ADGRV1: variants seen among roughly 807,000 people sequenced by gnomAD.
ADGRV1 encodes G-protein coupled receptor 98.
Under a neutral mutation model 596.2 loss-of-function variants are expected in ADGRV1, and 359 were observed. The ratio of observed to expected loss-of-function variants is 0.60; its 90% CI spans 0.55 to 0.66. The LOEUF (loss-of-function observed/expected upper bound fraction) is 0.66, where lower values mean the gene tolerates loss of function less well. Among genes scored for constraint, ADGRV1 ranks in the 30% least tolerant of loss-of-function variants. ADGRV1 has a pLI of 0.00. For missense variants in ADGRV1, 7,274 were observed against 7,575.6 expected, an observed-to-expected ratio of 0.96 and a Z score of 1.48; for synonymous variants, 2,681 against 2,679.2, an observed-to-expected ratio of 1.00 and a Z score of -0.02.
At chr5:91,019,792 A>G (rs1347256014) in intron 85 of ADGRV1, among the ~76,000 whole-genome samples, 1 of 152,036 alleles carries the variant, frequency 6.6e-6, no homozygotes, top group Non-Finnish European at 1.5e-5. Context: ...ATTTCTCCAC[A>G]TCGTTAGCTC....
At chr5:90,666,348 G>C (rs964742446) in intron 21 of ADGRV1, among the ~76,000 whole-genome samples, 2 of 152,094 alleles carry the variant, frequency 1.3e-5, no homozygotes, top group African/African-American at 4.8e-5. Context: ...TTGTTGAATT[G>C]ATCCCTTTAC....
At chr5:91,056,209 G>A (rs758757202) in intron 85 of ADGRV1, among the ~76,000 whole-genome samples, 17 of 152,200 alleles carry the variant, frequency 1.1e-4, no homozygotes, top group Admixed American at 2.6e-4. Context: ...GCCAGCTGCA[G>A]CGTTGCAGTT....
intron 26 of ADGRV1, among the ~76,000 whole-genome samples, chr5:90,679,911 A>G (rs1433154827): frequency 2.0e-5 from 3 of 152,202 alleles, no homozygotes; most frequent in African/African-American, 7.2e-5. Context: ...ATTGTGATAG[A>G]AATTTCACTT....
chr5:90,595,624 A>G (rs1340566528), intron 1 of ADGRV1, among the ~76,000 whole-genome samples: 1 of 88,104 alleles, frequency 1.1e-5, no homozygotes, highest in African/African-American at 5.1e-5. Flanking sequence ...TGACCCCCCC[A>G]CCTCCCTCCC....
chr5:91,097,746 G>GT lies in ADGRV1; in HGVS notation c.18311-4466dup, dbSNP rs202015386. Among the ~76,000 whole-genome samples, 90 of 150,448 alleles carry GT rather than the reference G, an allele frequency of 6.0e-4. 2 individuals are homozygous for GT. The East Asian group carries it at 0.016, about 26-fold the overall frequency. Reference sequence around the variant, plus strand: ...TGCTCACCAACACTTACTATTTCTTGTTTTTTTGATAATAATCATTCTAGT... The same window carrying GT: ...TGCTCACCAACACTTACTATTTCTTGTTTTTTTTGATAATAATCATTCTAGT... On this transcript the variant is annotated intron_variant, in intron 86 of 89. Coordinates refer to ENST00000405460, the MANE Select transcript of ADGRV1 (RefSeq NM_032119.4).
chr5:91,020,124 G>A (rs1051008552), intron 85 of ADGRV1, among the ~76,000 whole-genome samples: 14 of 152,044 alleles, frequency 9.2e-5, no homozygotes, highest in African/African-American at 3.1e-4. Context: ...TGGATGGCAA[G>A]TGATGCTCCT....
At chr5:90,672,415 CGTTA>C in intron 21 of ADGRV1, 127 bp from the exon 22 acceptor site, 1 of 600,628 alleles carries the variant, frequency 1.7e-6, no homozygotes, top group East Asian at 2.9e-5. Flanking sequence ...GCAGAGGCCT[CGTTA>C]GTCCCTTTTA....
intron 85 of ADGRV1, among the ~76,000 whole-genome samples, chr5:91,015,801 T>C (rs1365045405): frequency 2.0e-5 from 3 of 151,874 alleles, no homozygotes; most frequent in South Asian, 4.1e-4. Context: ...CAGCGTACAA[T>C]TGGGGCTTGC....
At chr5:90,790,262 T>C (rs1219077490) in intron 69 of ADGRV1, among the ~76,000 whole-genome samples, 1 of 152,206 alleles carries the variant, frequency 6.6e-6, no homozygotes, top group Non-Finnish European at 1.5e-5. Flanking sequence ...TATATTTAGA[T>C]AGAATGTTTG....
chr5:91,054,947 C>T (rs1786704518), intron 85 of ADGRV1, among the ~76,000 whole-genome samples: 1 of 152,200 alleles, frequency 6.6e-6, no homozygotes, highest in Non-Finnish European at 1.5e-5. Context: ...AAGTAATCTA[C>T]ATCCCAACAT....
intron 87 of ADGRV1, among the ~76,000 whole-genome samples, chr5:91,123,391 G>A (rs1332098067): frequency 3.9e-5 from 6 of 152,118 alleles, no homozygotes; most frequent in Non-Finnish European, 8.8e-5. Flanking sequence ...GGTATCTAGT[G>A]AGGGCCTGTT....
chr5:90,604,535 C>CATG (rs751588179), intron 1 of ADGRV1, among the ~76,000 whole-genome samples: 22 of 152,122 alleles, frequency 1.4e-4, no homozygotes, highest in Non-Finnish European at 2.5e-4. Context: ...AACTGCTTTT[C>CATG]ATGACTTTTT....
At chr5:91,106,048 A>C (rs536624770) in intron 87 of ADGRV1, among the ~76,000 whole-genome samples, 3 of 152,000 alleles carry the variant, frequency 2.0e-5, no homozygotes, top group African/African-American at 7.2e-5. Context: ...TAAAATTATA[A>C]AGTGAAGCAT....
intron 85 of ADGRV1, among the ~76,000 whole-genome samples, chr5:91,055,660 C>T (rs774922447): frequency 6.6e-6 from 1 of 152,176 alleles, no homozygotes; most frequent in East Asian, 1.9e-4. Flanking sequence ...CACTTTCTCA[C>T]TGTTTTGTGA....
chr5:90,658,610 AAAT>A (rs1769763498), intron 21 of ADGRV1, among the ~76,000 whole-genome samples: 1 of 152,172 alleles, frequency 6.6e-6, no homozygotes, highest in East Asian at 1.9e-4. Flanking sequence ...AAATTGAATG[AAAT>A]AATATATATT....
intron 85 of ADGRV1, among the ~76,000 whole-genome samples, chr5:91,024,110 G>A (rs1279287565): frequency 9.2e-5 from 14 of 152,076 alleles, no homozygotes; most frequent in Non-Finnish European, 4.4e-5. Context: ...TCTAATGTGC[G>A]GCAGGATTGA....
chr5:90,917,964 A>G (rs1366379651), intron 83 of ADGRV1, among the ~76,000 whole-genome samples: 1 of 152,126 alleles, frequency 6.6e-6, no homozygotes, highest in Non-Finnish European at 1.5e-5. Flanking sequence ...TATTGGTAGT[A>G]GCTCTTAGGC....
intron 72 of ADGRV1, 73 bp from the exon 73 acceptor site, chr5:90,807,529 C>T (rs770420555): frequency 7.6e-5 from 106 of 1,399,380 alleles, no homozygotes; most frequent in Non-Finnish European, 1.0e-4. Flanking sequence ...TACACTACTA[C>T]AGTTTTAAAA....
intron 31 of ADGRV1, 75 bp from the exon 32 acceptor site, chr5:90,692,530 T>A: frequency 1.6e-6 from 2 of 1,213,786 alleles, no homozygotes; most frequent in Non-Finnish European, 2.3e-6. Flanking sequence ...TATGTTTGAT[T>A]TTTTTCCCTT....
Sources: gnomAD v4.1 joint callset for allele counts (sites outside exome capture counted in the v4.1 genomes callset) on GRCh38, gnomAD v4.1.1 for gene constraint, MANE v1.5 for transcripts, NCBI Gene and HGNC (gene_info 2026-07-23, HGNC 2026-07-21) for gene names.